The following TMEM182 variants were observed in gnomAD, a reference collection of about 807,000 sequenced individuals.
TMEM182 encodes the protein transmembrane protein 182.
In TMEM182, 20 loss-of-function variants were observed where a neutral mutation model predicts 26.8. The observed-to-expected ratio is 0.75, with a 90% confidence interval of 0.53 to 1.09. The LOEUF (loss-of-function observed/expected upper bound fraction) is 1.09. Among genes scored for constraint, TMEM182 ranks in the 50% least tolerant of loss-of-function variants. The pLI is 0.00. For synonymous variants in TMEM182, 109 were observed against 102.2 expected, an observed-to-expected ratio of 1.07 and a Z score of -0.40; for missense variants, 277 against 275.5, an observed-to-expected ratio of 1.01 and a Z score of -0.04.
At chr2:102,765,538 A>G (rs1351772233) in intron 3 of TMEM182, among the ~76,000 whole-genome samples, 1 of 152,234 alleles carries the variant, frequency 6.6e-6, no homozygotes, top group African/African-American at 2.4e-5. Context: ...ACTTGGCACC[A>G]TAATCCAACC....
rs867557094 is a variant in TMEM182 at position 102,768,544 on chromosome 2, C to A, written c.331+4117C>A. Among the ~76,000 whole-genome samples the A allele has an allele frequency of 1.3e-4, 20 of 149,858 alleles. No homozygotes were observed. In the East Asian group the frequency reaches 1.4e-3, roughly 10 times the overall value. On this transcript the variant is annotated intron_variant, in intron 3 of 4. Coordinates refer to ENST00000412401, the MANE Select transcript of TMEM182 (RefSeq NM_144632.5). ...GTACTAAAAAAAAAAAAAACACACACAAAAAAATTAGCCAGGAGGGGTGGT... is the reference window on the plus strand; with the variant it reads ...GTACTAAAAAAAAAAAAAACACACAAAAAAAAATTAGCCAGGAGGGGTGGT...
At chr2:102,839,699 C>T (rs1053877395) in intron 3 of TMEM182, among the ~76,000 whole-genome samples, 1 of 152,026 alleles carries the variant, frequency 6.6e-6, no homozygotes, top group Non-Finnish European at 1.5e-5. Context: ...TGCAATGTAG[C>T]TCTAGTTGCT....
At position 102,739,386 on chromosome 2, in the gene TMEM182, G is replaced by A. The variant is rs986319829; in HGVS notation, c.-83+2373G>A. On this transcript the variant is annotated intron_variant, in intron 1 of 5. Coordinates refer to the TMEM182 transcript ENST00000409173. Reference sequence around the variant, plus strand: ...ATAGCGTTCATATGGGTCCACTGCTGACATGGTTTGGATCTGTGTCCCCAA... The same window carrying A: ...ATAGCGTTCATATGGGTCCACTGCTAACATGGTTTGGATCTGTGTCCCCAA... Among the ~76,000 whole-genome samples the A allele has an allele frequency of 5.3e-5, 8 of 152,290 alleles. No individual in the cohort carries two copies. The South Asian group carries it at 8.3e-4, about 16-fold the overall frequency.
intron 1 of TMEM182, among the ~76,000 whole-genome samples, chr2:102,748,199 C>G (rs933094013): frequency 4.6e-5 from 7 of 152,240 alleles, no homozygotes; most frequent in African/African-American, 1.7e-4. Context: ...CAGCTCCAAT[C>G]TAATGCCAAG....
chr2:102,819,243 A>C (rs772380696), downstream of TMEM182, among the ~76,000 whole-genome samples: 32 of 152,336 alleles, frequency 2.1e-4, no homozygotes, highest in Non-Finnish European at 3.5e-4. Flanking sequence ...GATGTTAAAA[A>C]CGACCTAAAT....
At position 102,762,613 on chromosome 2, in the gene TMEM182, A is replaced by C; in HGVS notation, c.159A>C (p.Glu53Asp). ...KNIENVTFHH[E>D]GFFWRCWFNG... is the part of the protein sequence containing the mutation. ...TAGAGAACGTCACTTTTCACCATGA[A>C]GGGTTCTTCTGGAGGTGTTGGTTTA... Residue 53 changes from glutamate (E) to aspartate (D), a missense_variant, in exon 2 of 5, where the codon GAA (glutamate) becomes GAC (aspartate). By Grantham distance (45) the Glu-to-Asp change is conservative. Coordinates refer to ENST00000412401, the MANE Select transcript of TMEM182 (RefSeq NM_144632.5). 1 of 1,613,916 alleles carries C rather than the reference A, an allele frequency of 6.2e-7. No individual in the cohort carries two copies. Among genetic ancestry groups the C allele is most frequent in the African/African-American group, 1.3e-5 (1 of 75,034 alleles).
chr2:102,739,224 G>T (rs1573476929), intron 1 of TMEM182, among the ~76,000 whole-genome samples: 2 of 152,270 alleles, frequency 1.3e-5, no homozygotes, highest in South Asian at 4.1e-4. Flanking sequence ...CAGCAGGAGT[G>T]TACCAGTCAC....
At chr2:102,801,388 G>A (rs1257518644) in intron 4 of TMEM182, among the ~76,000 whole-genome samples, 2 of 152,122 alleles carry the variant, frequency 1.3e-5, no homozygotes, top group Non-Finnish European at 2.9e-5. Context: ...AAAGGGGGTG[G>A]GCTAGCTTGA....
upstream of TMEM182, among the ~76,000 whole-genome samples, chr2:102,760,708 G>A (rs892702302): frequency 2.6e-5 from 4 of 152,016 alleles, no homozygotes; most frequent in East Asian, 1.9e-4. Context: ...TCAACCTCCC[G>A]GGTTCAAGCG....
chr2:102,747,113 A>T (rs1238812362), intron 1 of TMEM182, among the ~76,000 whole-genome samples: 2 of 152,096 alleles, frequency 1.3e-5, no homozygotes, highest in Non-Finnish European at 2.9e-5. Flanking sequence ...TGGGAGTGAA[A>T]CTCGGACTGT....
intron 3 of TMEM182, among the ~76,000 whole-genome samples, chr2:102,770,047 G>T (rs1011452960): frequency 8.5e-5 from 13 of 152,240 alleles, no homozygotes; most frequent in African/African-American, 2.4e-4. Flanking sequence ...GGTGATTTTT[G>T]ATTTCAAATA....
chr2:102,783,986 C>T (rs983098604), intron 3 of TMEM182, among the ~76,000 whole-genome samples: 3 of 152,060 alleles, frequency 2.0e-5, no homozygotes, highest in Non-Finnish European at 4.4e-5. Flanking sequence ...CCTGGCTGTT[C>T]GTATGTGGTT....
chr2:102,744,626 A>G (rs1046611207), intron 1 of TMEM182, among the ~76,000 whole-genome samples: 3 of 152,094 alleles, frequency 2.0e-5, no homozygotes, highest in Non-Finnish European at 2.9e-5. Flanking sequence ...TGTTTATGTT[A>G]TATAACTAGG....
In TMEM182 at chr2:102,772,441, C is replaced by G. The variant is rs150101250; in HGVS notation, c.331+8014C>G. On this transcript the variant is annotated intron_variant, in intron 3 of 4. Coordinates refer to ENST00000412401, the MANE Select transcript of TMEM182 (RefSeq NM_144632.5). ...GGGACTTCCACACTGAGTAGGGTGA[C>G]CAGGGAGGCCTCATGAACAGACGAG... 3.0e-3 allele frequency among the ~76,000 whole-genome samples: 463 copies of G among 152,106 alleles called. 5 individuals are homozygous for G. The highest frequency in any genetic ancestry group is 0.014 in the Middle Eastern group (4 of 290).
exon 1 of TMEM182, chr2:102,736,936 G>T (rs1331672686): frequency 7.2e-6 from 9 of 1,248,220 alleles, no homozygotes; most frequent in Non-Finnish European, 9.7e-6. Context: ...CTACCTGGCA[G>T]CTCCGCGGGT....
intron 4 of TMEM182, among the ~76,000 whole-genome samples, chr2:102,801,487 C>T (rs1318354484): frequency 6.6e-6 from 1 of 152,174 alleles, no homozygotes; most frequent in East Asian, 1.9e-4. Flanking sequence ...CTCAGGATTA[C>T]ATATGACCAT....
At chr2:102,774,722 C>T (rs1680835469) in intron 3 of TMEM182, among the ~76,000 whole-genome samples, 2 of 152,162 alleles carry the variant, frequency 1.3e-5, no homozygotes, top group Non-Finnish European at 2.9e-5. Context: ...GTCCTTCCTG[C>T]ATTGAGTTGC....
intron 4 of TMEM182, among the ~76,000 whole-genome samples, chr2:102,807,604 A>G (rs932589507): frequency 6.6e-6 from 1 of 152,228 alleles, no homozygotes; most frequent in African/African-American, 2.4e-5. Flanking sequence ...GTACATTACA[A>G]TATTATGACA....
chr2:102,755,615 G>C (rs1481143515), intron 1 of TMEM182, among the ~76,000 whole-genome samples: 1 of 152,160 alleles, frequency 6.6e-6, no homozygotes, highest in Non-Finnish European at 1.5e-5. Context: ...AATGAATCAA[G>C]ATTTATAGTG....
Sources: allele counts gnomAD v4.1 joint callset (sites outside exome capture counted in the v4.1 genomes callset), GRCh38; gene constraint gnomAD v4.1.1; transcripts MANE v1.5; gene names NCBI Gene and HGNC (gene_info 2026-07-23, HGNC 2026-07-21).